The following WDFY3 variants were observed in gnomAD, a reference collection of about 807,000 sequenced individuals.
The protein encoded by WDFY3 is WD repeat and FYVE domain-containing protein 3.
In WDFY3, 66 loss-of-function variants were observed where a neutral mutation model predicts 409.6. The observed-to-expected ratio is 0.16, with a 90% CI of 0.13 to 0.20. WDFY3 has a LOEUF of 0.20. Ranked by LOEUF, WDFY3 falls within the 10% of genes least tolerant of loss-of-function variation. The pLI, the probability that WDFY3 is intolerant of heterozygous loss-of-function variation, is 1.00. For synonymous variants in WDFY3, 1,521 were observed against 1,537.1 expected (o/e 0.99, Z 0.25); for missense variants, 3,031 against 4,298.1 (o/e 0.71, Z 8.24).
chr4:84,713,513 A>C (rs1225870982), intron 50 of WDFY3, among the ~76,000 whole-genome samples: 1 of 152,338 alleles, frequency 6.6e-6, no homozygotes. Context: ...CCATATGTGA[A>C]AGGAGTTTTG....
In WDFY3 at chr4:84,860,622, T is replaced by C. The variant is rs1328320463; in HGVS notation, c.-31A>G. On this transcript the variant is annotated splice_region_variant and 5_prime_UTR_variant, in exon 4 of 68. Transcript: ENST00000295888. ...CTGGTTGGTGAGACGCACTTCTAATTCTGTAGGAAAATGTCAATACATGAA... is the reference window on the plus strand; with the variant it reads ...CTGGTTGGTGAGACGCACTTCTAATCCTGTAGGAAAATGTCAATACATGAA... 2 of 1,568,498 alleles carry C rather than the reference T, an allele frequency of 1.3e-6. No individual in the cohort carries two copies. The highest frequency in any genetic ancestry group is 1.7e-6 in the Non-Finnish European group (2 of 1,150,822).
chr4:84,815,615 A>G (rs1399342571), intron 13 of WDFY3, among the ~76,000 whole-genome samples: 1 of 152,140 alleles, frequency 6.6e-6, no homozygotes, highest in Non-Finnish European at 1.5e-5. Context: ...CAATTATTTC[A>G]TAGAAAGTCC....
chr4:84,769,994 A>T (rs1019177632), intron 30 of WDFY3, among the ~76,000 whole-genome samples: 1 of 151,876 alleles, frequency 6.6e-6, no homozygotes, highest in Non-Finnish European at 1.5e-5. Context: ...GATTGTTATC[A>T]TTTTTTAGCA....
Position 84,715,330 on chromosome 4 carries a change from A to G in WDFY3, c.7929T>C (p.Phe2643=), listed in dbSNP as rs1247532764. 6.2e-7 allele frequency: 1 copy of G among 1,610,348 alleles called. No individual in the cohort carries two copies. The highest frequency in any genetic ancestry group is 1.7e-5 in the Admixed American group (1 of 59,982). The part of the protein sequence containing the change: ...SGDGRNYLLA[F]QKGIRNKVYQ... ...AGACTTTGTTTCTGATTCCTTTCTG[A>G]AAAGCAAGGAGGTAATTCCGTCCAT... Residue 2643 remains phenylalanine, a synonymous_variant, in exon 50 of 68, where the codon TTT becomes TTC. Coordinates refer to ENST00000295888, the MANE Select transcript of WDFY3 (RefSeq NM_014991.6).
intron 1 of WDFY3, among the ~76,000 whole-genome samples, chr4:84,938,619 G>A (rs1771729630): frequency 6.6e-6 from 1 of 152,116 alleles, no homozygotes; most frequent in Admixed American, 6.6e-5. Context: ...AATGAGGAAA[G>A]TCTAAAAATA....
At chr4:84,868,041 C>A (rs1182226175) in intron 3 of WDFY3, among the ~76,000 whole-genome samples, 3 of 151,472 alleles carry the variant, frequency 2.0e-5, no homozygotes, top group African/African-American at 7.3e-5. Context: ...TGGTGTCATG[C>A]GCCTGTAGTC....
chr4:84,744,899 C>T, intron 36 of WDFY3, among the ~76,000 whole-genome samples: 1 of 106,766 alleles, frequency 9.4e-6, no homozygotes, highest in South Asian at 3.6e-4. Context: ...GAAAGAAAAA[C>T]ACAATAGATT....
At chr4:84,703,139 T>C (rs1278117389) in intron 55 of WDFY3, among the ~76,000 whole-genome samples, 1 of 151,438 alleles carries the variant, frequency 6.6e-6, no homozygotes, top group Admixed American at 6.6e-5. Flanking sequence ...AGTTCTTCCA[T>C]AGTTTGATGA....
intron 7 of WDFY3, among the ~76,000 whole-genome samples, chr4:84,835,710 AG>A (rs1159991476): frequency 6.6e-6 from 1 of 152,184 alleles, no homozygotes; most frequent in Non-Finnish European, 1.5e-5. Context: ...TAAAGAGCCC[AG>A]TGACATGAGG....
intron 2 of WDFY3, among the ~76,000 whole-genome samples, chr4:84,913,700 T>C (rs1768080834): frequency 6.7e-6 from 1 of 149,974 alleles, no homozygotes; most frequent in South Asian, 2.1e-4. Flanking sequence ...GCACTGAAAC[T>C]AAACCAAATG....
intron 42 of WDFY3, 61 bp downstream of exon 42, chr4:84,736,109 C>T (rs910300062): frequency 2.0e-6 from 3 of 1,474,580 alleles, no homozygotes; most frequent in Non-Finnish European, 1.8e-6. Context: ...ATTGCTTGTA[C>T]ATGTTAAGTA....
At chr4:84,781,435 G>C (rs529012035) in intron 25 of WDFY3, among the ~76,000 whole-genome samples, 1 of 139,062 alleles carries the variant, frequency 7.2e-6, no homozygotes, top group South Asian at 2.2e-4. Context: ...TTGTCACCCA[G>C]GCTGGAATGC....
In WDFY3 at chr4:84,798,121, C is replaced by A; in HGVS notation, c.2823-13G>T. On this transcript the variant is annotated splice_polypyrimidine_tract_variant and intron_variant, in intron 17 of 67. Coordinates refer to ENST00000295888, the MANE Select transcript of WDFY3 (RefSeq NM_014991.6). ...ACGTAAAAACTCCCTAAGAAAGAGA[C>A]AAAGCAAAGTTATTCCTTGATTGAG... 6.3e-7 allele frequency: 1 copy of A among 1,590,550 alleles called. No individual in the cohort carries two copies. Among genetic ancestry groups the A allele is most frequent in the Non-Finnish European group, 8.6e-7 (1 of 1,165,632 alleles).
chr4:84,952,308 G>C (rs974333605), intron 1 of WDFY3, among the ~76,000 whole-genome samples: 7 of 152,088 alleles, frequency 4.6e-5, no homozygotes, highest in African/African-American at 1.7e-4. Context: ...CGGAAAAAGA[G>C]GTGGAGAACA....
intron 53 of WDFY3, among the ~76,000 whole-genome samples, chr4:84,707,355 C>A (rs902189465): frequency 6.6e-6 from 1 of 152,024 alleles, no homozygotes; most frequent in Non-Finnish European, 1.5e-5. Context: ...CTGCAATGGT[C>A]CAATAAAGAT....
In WDFY3 at chr4:84,808,469, C is replaced by T. The variant is rs1300671890; in HGVS notation, c.2346-52G>A. Reference sequence around the variant, plus strand: ...GTTTAGAGAGGTTAGAAGAAGAGAACACCAGGTTGGCAGTTGGTTAGTTTC... The same window carrying T: ...GTTTAGAGAGGTTAGAAGAAGAGAATACCAGGTTGGCAGTTGGTTAGTTTC... On this transcript the variant is annotated intron_variant, in intron 14 of 67. Coordinates refer to ENST00000295888, the MANE Select transcript of WDFY3 (RefSeq NM_014991.6). 4 of 1,527,468 alleles carry T rather than the reference C, an allele frequency of 2.6e-6. No individual in the cohort carries two copies. In the Admixed American group the frequency reaches 7.1e-5, roughly 27 times the overall value. 94.6% of individuals were successfully genotyped at this position (1,527,468 alleles called of 1,614,324 possible).
intron 2 of WDFY3, among the ~76,000 whole-genome samples, chr4:84,900,727 G>A (rs1409510959): frequency 6.6e-6 from 1 of 152,116 alleles, no homozygotes; most frequent in Non-Finnish European, 1.5e-5. Context: ...AGTTTTTTGG[G>A]TGATAAAATT....
At chr4:84,949,980 A>C (rs1198255083) in intron 1 of WDFY3, among the ~76,000 whole-genome samples, 1 of 152,220 alleles carries the variant, frequency 6.6e-6, no homozygotes, top group Non-Finnish European at 1.5e-5. Context: ...TCACAATAGC[A>C]AAGACTTGGA....
chr4:84,794,928 G>A lies in WDFY3; in HGVS notation c.3219C>T (p.Thr1073=), dbSNP rs374955163. The A allele has an allele frequency of 5.3e-5, 83 of 1,576,526 alleles. No homozygotes were observed. The highest frequency in any genetic ancestry group is 6.8e-5 in the East Asian group (3 of 44,108). The part of the protein sequence containing the change: ...LAPHNAPTNN[T]VTTGLIDGAV... The stretch of plus-strand genomic sequence containing the variant: ...CCCCATCAATAAGACCTGTTGTGAC[G>A]GTATTATTTGTAGGAGCATTATGAG... Residue 1073 remains threonine, a synonymous_variant, in exon 20 of 68, where the codon ACC becomes ACT. Transcript: ENST00000295888.
Sources: gnomAD v4.1 joint callset for allele counts (sites outside exome capture counted in the v4.1 genomes callset) on GRCh38, gnomAD v4.1.1 for gene constraint, MANE v1.5 for transcripts, NCBI Gene and HGNC (gene_info 2026-07-23, HGNC 2026-07-21) for gene names.